MAPKAP1: variants seen among roughly 807,000 people sequenced by gnomAD.
The protein encoded by MAPKAP1 is target of rapamycin complex 2 subunit MAPKAP1.
In MAPKAP1, 20 loss-of-function variants were observed where a neutral mutation model predicts 65.7. The ratio of observed to expected loss-of-function variants is 0.30; its 90% CI spans 0.21 to 0.44. The LOEUF is 0.44. Ranked by LOEUF, MAPKAP1 falls within the 20% of genes least tolerant of loss-of-function variation. The pLI is 1.00. For synonymous variants in MAPKAP1, 222 were observed against 244.3 expected, an observed-to-expected ratio of 0.91 and a Z score of 0.85; for missense variants, 423 against 648.0, an observed-to-expected ratio of 0.65 and a Z score of 3.77.
chr9:125,585,183 T>C (rs1349160103), intron 5 of MAPKAP1, among the ~76,000 whole-genome samples: 2 of 152,168 alleles, frequency 1.3e-5, no homozygotes, highest in Non-Finnish European at 2.9e-5. Flanking sequence ...CCCAGGGAGC[T>C]GGGAGGATCA....
At chr9:125,524,190 C>T (rs1207371416) in intron 7 of MAPKAP1, among the ~76,000 whole-genome samples, 1 of 152,232 alleles carries the variant, frequency 6.6e-6, no homozygotes, top group Non-Finnish European at 1.5e-5. Flanking sequence ...TTTAAGTTCT[C>T]ACCTCAGTAC....
At chr9:125,568,628 G>C (rs566466060) in intron 5 of MAPKAP1, 1 of 152,414 alleles carries the variant, frequency 6.6e-6, no homozygotes, top group African/African-American at 2.4e-5. Flanking sequence ...AGATGATGGG[G>C]CCCATCTGAG....
At chr9:125,673,903 T>C (rs1834567504) in intron 1 of MAPKAP1, among the ~76,000 whole-genome samples, 3 of 152,046 alleles carry the variant, frequency 2.0e-5, no homozygotes, top group Admixed American at 2.0e-4. Context: ...GATTGCACCA[T>C]TGCACTCCAG....
At chr9:125,663,967 G>C (rs1322432810) in intron 3 of MAPKAP1, among the ~76,000 whole-genome samples, 1 of 152,232 alleles carries the variant, frequency 6.6e-6, no homozygotes, top group African/African-American at 2.4e-5. Context: ...TTCAGAAGAT[G>C]AGAATGTGTA....
intron 4 of MAPKAP1, among the ~76,000 whole-genome samples, chr9:125,598,816 G>T (rs1044716578): frequency 6.6e-6 from 1 of 151,996 alleles, no homozygotes; most frequent in Admixed American, 6.6e-5. Flanking sequence ...GAGGCAGCTG[G>T]ATCACCTGAG....
At chr9:125,524,394 T>C (rs1374146153) in intron 7 of MAPKAP1, among the ~76,000 whole-genome samples, 3 of 152,274 alleles carry the variant, frequency 2.0e-5, no homozygotes, top group Non-Finnish European at 2.9e-5. Context: ...GTTTGGCACA[T>C]AAGTGCTCAA....
chr9:125,443,163 C>T (rs1180827947), intron 11 of MAPKAP1, among the ~76,000 whole-genome samples: 1 of 152,222 alleles, frequency 6.6e-6, no homozygotes, highest in Non-Finnish European at 1.5e-5. Flanking sequence ...CTCAGCATAT[C>T]TTCGCTACTT....
At chr9:125,501,749 A>G (rs982770397) in intron 8 of MAPKAP1, among the ~76,000 whole-genome samples, 1 of 152,034 alleles carries the variant, frequency 6.6e-6, no homozygotes, top group Non-Finnish European at 1.5e-5. Context: ...GTCTTTTTCT[A>G]TAAATTTGTT....
intron 1 of MAPKAP1, among the ~76,000 whole-genome samples, chr9:125,696,619 AC>A (rs756629501): frequency 1.1e-4 from 16 of 151,976 alleles, no homozygotes; most frequent in Non-Finnish European, 1.8e-4. Flanking sequence ...GAAAAAAAAA[AC>A]AAAAAACCTT....
Position 125,698,148 on chromosome 9 carries a change from C to T in MAPKAP1, c.-70+8823G>A, listed in dbSNP as rs535159638. 3.3e-5 allele frequency among the ~76,000 whole-genome samples: 5 copies of T among 150,344 alleles called. No individual in the cohort carries two copies. The South Asian group carries it at 6.3e-4, about 19-fold the overall frequency. Reference sequence around the variant, plus strand: ...TTTGCTACTCACGCATGCGCGTTCTCGCTCTCTCTATACGTATATACAAAA... The same window carrying T: ...TTTGCTACTCACGCATGCGCGTTCTTGCTCTCTCTATACGTATATACAAAA... On this transcript the variant is annotated intron_variant, in intron 1 of 11. Transcript: ENST00000265960.
In MAPKAP1 at chr9:125,503,057, C is replaced by T. The variant is rs1336312538; in HGVS notation, c.1066+3253G>A. 3.3e-5 allele frequency among the ~76,000 whole-genome samples: 5 copies of T among 152,270 alleles called. No homozygotes were observed. The East Asian group carries it at 9.6e-4, about 29-fold the overall frequency. On this transcript the variant is annotated intron_variant, in intron 8 of 11. Coordinates refer to ENST00000265960, the MANE Select transcript of MAPKAP1 (RefSeq NM_001006617.3). The stretch of plus-strand genomic sequence containing the variant: ...CGTATTCTGCCTCATGTTAATATGG[C>T]TACACCAGATTTCAGTTGCTATTTG...
At chr9:125,570,516 T>G (rs1466943115) in intron 5 of MAPKAP1, among the ~76,000 whole-genome samples, 2 of 152,228 alleles carry the variant, frequency 1.3e-5, no homozygotes, top group African/African-American at 4.8e-5. Flanking sequence ...CTAGGAGCAG[T>G]ACACTGCTCC....
At chr9:125,653,787 A>G (rs982318319) in intron 4 of MAPKAP1, among the ~76,000 whole-genome samples, 1 of 152,210 alleles carries the variant, frequency 6.6e-6, no homozygotes, top group Non-Finnish European at 1.5e-5. Flanking sequence ...TCATCCTAGC[A>G]TTATCCTATT....
intron 7 of MAPKAP1, among the ~76,000 whole-genome samples, chr9:125,539,438 G>A (rs1313279998): frequency 6.6e-6 from 1 of 152,176 alleles, no homozygotes; most frequent in Non-Finnish European, 1.5e-5. Context: ...TCTCTCTTCT[G>A]TAGATCTAGA....
intron 6 of MAPKAP1, among the ~76,000 whole-genome samples, chr9:125,553,371 A>G (rs2133197186): frequency 6.6e-6 from 1 of 152,214 alleles, no homozygotes; most frequent in South Asian, 2.1e-4. Context: ...GCGAAAACCC[A>G]TCTCTACTAA....
At chr9:125,465,304 T>C (rs750627558) in intron 10 of MAPKAP1, among the ~76,000 whole-genome samples, 32 of 152,266 alleles carry the variant, frequency 2.1e-4, no homozygotes, top group Non-Finnish European at 4.1e-4. Context: ...GCTAAACTTA[T>C]GAAATATAGT....
chr9:125,614,421 C>T (rs1014373966), intron 4 of MAPKAP1, among the ~76,000 whole-genome samples: 6 of 152,046 alleles, frequency 3.9e-5, no homozygotes, highest in Admixed American at 2.0e-4. Flanking sequence ...GTCAGGAGTT[C>T]GAGACCAGCC....
At chr9:125,617,830 G>A (rs1235404657) in intron 4 of MAPKAP1, among the ~76,000 whole-genome samples, 1 of 152,208 alleles carries the variant, frequency 6.6e-6, no homozygotes, top group East Asian at 1.9e-4. Context: ...AGGGAGCAAG[G>A]AGGACACGGA....
chr9:125,522,536 A>G (rs1002885872), intron 7 of MAPKAP1, among the ~76,000 whole-genome samples: 1 of 152,188 alleles, frequency 6.6e-6, no homozygotes, highest in African/African-American at 2.4e-5. Context: ...CTTGTTGATG[A>G]CATTAAATCG....
Sources: allele counts gnomAD v4.1 joint callset (sites outside exome capture counted in the v4.1 genomes callset), GRCh38; gene constraint gnomAD v4.1.1; transcripts MANE v1.5; gene names NCBI Gene and HGNC (gene_info 2026-07-23, HGNC 2026-07-21).